Variants in SPIRE1 observed in about 807,000 individuals in gnomAD.
The protein encoded by SPIRE1 is spire type actin nucleation factor 1.
SPIRE1 carries 40 observed loss-of-function variants against 94.1 expected under a neutral mutation model. That is an observed-to-expected ratio of 0.43 (90% CI 0.33 to 0.55). SPIRE1 has a LOEUF of 0.55. Among genes scored for constraint, SPIRE1 ranks in the 20% least tolerant of loss-of-function variants. The pLI, the probability that SPIRE1 is intolerant of heterozygous loss-of-function variation, is 0.06. For synonymous variants in SPIRE1, 376 were observed against 371.7 expected (o/e 1.01, Z -0.13); for missense variants, 838 against 975.2 (o/e 0.86, Z 1.87).
chr18:12,453,021 C>A, intron 14 of SPIRE1, 47 bp downstream of exon 14: 1 of 1,262,250 alleles, frequency 7.9e-7, no homozygotes, highest in South Asian at 1.4e-5. Context: ...TGGTATTTCT[C>A]TTACGACTGT....
At chr18:12,593,781 C>T (rs547609579) in intron 2 of SPIRE1, among the ~76,000 whole-genome samples, 1 of 152,058 alleles carries the variant, frequency 6.6e-6, no homozygotes, top group Non-Finnish European at 1.5e-5. Flanking sequence ...GAAACCCCAT[C>T]TCTACTAAAA....
intron 16 of SPIRE1, 88 bp from the exon 17 acceptor site, chr18:12,449,984 T>C (rs1376170986): frequency 1.5e-6 from 2 of 1,367,560 alleles, no homozygotes; most frequent in Non-Finnish European, 2.0e-6. Context: ...AAAGTAAATT[T>C]GTTGTCAAAA....
At chr18:12,450,916 T>C in intron 16 of SPIRE1, 2 of 698,244 alleles carry the variant, frequency 2.9e-6, no homozygotes, top group Non-Finnish European at 5.2e-6. Context: ...AGGATGTTTC[T>C]GACTATAAGT....
intron 10 of SPIRE1, among the ~76,000 whole-genome samples, chr18:12,470,484 A>C (rs944529722): frequency 1.3e-5 from 2 of 152,166 alleles, no homozygotes; most frequent in African/African-American, 4.8e-5. Flanking sequence ...GCTTAAAATG[A>C]ATCTTCTCCA....
chr18:12,634,989 G>T, intron 2 of SPIRE1, 73 bp downstream of exon 2: 2 of 780,822 alleles, frequency 2.6e-6, no homozygotes, highest in Non-Finnish European at 4.3e-6. Context: ...TAGTGAGATA[G>T]TTCAGTACTC....
intron 5 of SPIRE1, among the ~76,000 whole-genome samples, chr18:12,511,297 A>G (rs2034028439): frequency 6.6e-6 from 1 of 152,218 alleles, no homozygotes; most frequent in Admixed American, 6.5e-5. Flanking sequence ...GTGGATGAGC[A>G]AGCGTTATGC....
At chr18:12,463,586 A>G (rs2031964699) in intron 11 of SPIRE1, 93 bp from the exon 12 acceptor site, 2 of 1,040,740 alleles carry the variant, frequency 1.9e-6, no homozygotes, top group Non-Finnish European at 2.8e-6. Flanking sequence ...TTCAAAGATG[A>G]ATTATTTATT....
rs560748120 is a variant in SPIRE1 at position 12,658,056 on chromosome 18, G to A, written c.-190C>T. 326 of 991,576 alleles carry A rather than the reference G, an allele frequency of 3.3e-4. 6 individuals carry two copies. The South Asian group carries it at 0.012, about 37-fold the overall frequency. 61.4% of individuals were successfully genotyped at this position (991,576 alleles called of 1,614,324 possible). A position where few individuals can be genotyped will look rare whatever the true frequency, so the allele number is the denominator to read the frequency against. ...GGCAAGAGGAGGGCGGCGAGGACAC[G>A]GCTGCAGTCCCGGTCAGACAGCCGC... is the stretch of plus-strand genomic sequence containing the variant. On this transcript the variant is annotated 5_prime_UTR_variant, in exon 1 of 17. Coordinates refer to ENST00000409402, the MANE Select transcript of SPIRE1 (RefSeq NM_001128626.2).
chr18:12,642,104 T>C (rs573841592), intron 1 of SPIRE1, among the ~76,000 whole-genome samples: 1 of 152,230 alleles, frequency 6.6e-6, no homozygotes, highest in East Asian at 1.9e-4. Context: ...ATGGATTTGA[T>C]ACAAAAAACA....
At chr18:12,499,729 A>T (rs1031685544) in intron 6 of SPIRE1, among the ~76,000 whole-genome samples, 1 of 152,012 alleles carries the variant, frequency 6.6e-6, no homozygotes, top group African/African-American at 2.4e-5. Context: ...CAACAGAAGG[A>T]AAAATAGATA....
chr18:12,456,922 C>A (rs1478882692), intron 12 of SPIRE1, among the ~76,000 whole-genome samples: 1 of 152,210 alleles, frequency 6.6e-6, no homozygotes, highest in Non-Finnish European at 1.5e-5. Context: ...ACCGCAACAT[C>A]TGCCTCCCGG....
intron 4 of SPIRE1, among the ~76,000 whole-genome samples, chr18:12,534,461 T>C (rs1308361438): frequency 1.3e-5 from 2 of 152,196 alleles, no homozygotes; most frequent in South Asian, 2.1e-4. Flanking sequence ...TTTTTAGGTA[T>C]ATATTTAGAT....
intron 2 of SPIRE1, among the ~76,000 whole-genome samples, chr18:12,574,372 T>C (rs2036038829): frequency 6.6e-6 from 1 of 152,032 alleles, no homozygotes; most frequent in African/African-American, 2.4e-5. Flanking sequence ...GGGCTGATGG[T>C]TTCTTGGGAT....
chr18:12,454,560 A>AC, intron 12 of SPIRE1, 77 bp from the exon 13 acceptor site: 1 of 1,358,402 alleles, frequency 7.4e-7, no homozygotes, highest in African/African-American at 1.4e-5. Context: ...TTCAGATCAG[A>AC]CCCCTGATTA....
chr18:12,597,153 T>C (rs539930843), intron 2 of SPIRE1, among the ~76,000 whole-genome samples: 1 of 131,296 alleles, frequency 7.6e-6, no homozygotes, highest in East Asian at 2.2e-4. Context: ...CTAGTGTCTC[T>C]TTCTACACAC....
chr18:12,514,461 T>C (rs939409250), intron 4 of SPIRE1, among the ~76,000 whole-genome samples: 1 of 152,192 alleles, frequency 6.6e-6, no homozygotes, highest in Non-Finnish European at 1.5e-5. Flanking sequence ...GAATTTTTTT[T>C]TTTTTGTATT....
rs554807175 is a variant in SPIRE1, at chr18:12,565,560, G to A, written c.373-18656C>T. On this transcript the variant is annotated intron_variant, in intron 2 of 16. Transcript: ENST00000409402. ...TGGCTAATTTTTGTATTTTAGTAGA[G>A]ACGAGATTTCACCACGTTGGTCAAG... Among the ~76,000 whole-genome samples the A allele has an allele frequency of 2.8e-4, 42 of 151,992 alleles. No individual in the cohort carries two copies. In the East Asian group the frequency reaches 6.3e-3, roughly 23 times the overall value.
chr18:12,477,617 A>G (rs1568195185), intron 10 of SPIRE1, among the ~76,000 whole-genome samples: 1 of 152,156 alleles, frequency 6.6e-6, no homozygotes, highest in Admixed American at 6.6e-5. Context: ...ATTACATGAC[A>G]GGGTGTTAAA....
intron 2 of SPIRE1, among the ~76,000 whole-genome samples, chr18:12,565,424 G>C (rs2035792943): frequency 6.6e-6 from 1 of 151,978 alleles, no homozygotes; most frequent in Non-Finnish European, 1.5e-5. Context: ...GCCCAGGCTG[G>C]AGTGCAGTGG....
Sources: allele counts gnomAD v4.1 joint callset (sites outside exome capture counted in the v4.1 genomes callset), GRCh38; gene constraint gnomAD v4.1.1; transcripts MANE v1.5; gene names NCBI Gene and HGNC (gene_info 2026-07-23, HGNC 2026-07-21).